EPHB6: variants seen among roughly 807,000 people sequenced by gnomAD.
EPHB6 encodes the protein EPH receptor B6.
EPHB6 carries 51 observed loss-of-function variants against 107.0 expected under a neutral mutation model. That is an observed-to-expected ratio of 0.48 (90% CI 0.38 to 0.60). EPHB6 has a LOEUF of 0.60. Ranked by LOEUF, EPHB6 falls within the 20% of genes least tolerant of loss-of-function variation. The probability of loss-of-function intolerance (pLI) is 0.00; values close to 1 mark genes in which losing one functional copy is unlikely to be tolerated. For synonymous variants in EPHB6, 553 were observed against 549.0 expected (o/e 1.01, Z -0.10); for missense variants, 1,141 against 1,355.5 (o/e 0.84, Z 2.48).
chr7:142,855,397 G>A lies in EPHB6; in HGVS notation c.-432+12G>A, dbSNP rs1004417859. On this transcript the variant is annotated intron_variant, in intron 1 of 19. Coordinates refer to ENST00000652003, the MANE Select transcript of EPHB6 (RefSeq NM_004445.6). The surrounding 1 kb of genome is among the most constrained non-coding windows in gnomAD (Gnocchi z 4.2). Reference sequence around the variant, plus strand: ...CGGCCAACGGGAAGGTGAGCCCGCGGGGTTAGCAGGCGGCGTTGTGGGGGT... The same window carrying A: ...CGGCCAACGGGAAGGTGAGCCCGCGAGGTTAGCAGGCGGCGTTGTGGGGGT... 1 of 152,440 alleles carries A rather than the reference G, an allele frequency of 6.6e-6. No homozygotes were observed. The highest frequency in any genetic ancestry group is 1.5e-5 in the Non-Finnish European group (1 of 68,224). 9.4% of individuals were successfully genotyped at this position (152,440 alleles called of 1,614,324 possible). A position where few individuals can be genotyped will look rare whatever the true frequency, so the allele number is the denominator to read the frequency against.
At position 142,868,776 on chromosome 7, in the gene EPHB6, G is replaced by A; in HGVS notation, c.2286+37G>A. ...CTGGGTGAAGGAGGAGGGTCCTTGG[G>A]TCCAGGAAAGCTTCCAGGAGACGAG... On this transcript the variant is annotated intron_variant, in intron 15 of 19. Transcript: ENST00000652003. This position sits in a 1 kb window ranked among gnomAD's most constrained non-coding sequence, Gnocchi z 4.2. The A allele has an allele frequency of 6.2e-7, 1 of 1,613,520 alleles. No individual in the cohort carries two copies. The highest frequency in any genetic ancestry group is 8.5e-7 in the Non-Finnish European group (1 of 1,180,012).
In EPHB6 at chr7:142,868,020, C is replaced by T. The variant is rs761901290; in HGVS notation, c.1889C>T (p.Thr630Ile). Residue 630 changes from threonine to isoleucine, a missense_variant, in exon 13 of 20, where the codon ACA becomes ATA. Coordinates refer to ENST00000652003, the MANE Select transcript of EPHB6 (RefSeq NM_004445.6). This position sits in a 1 kb window ranked among gnomAD's most constrained non-coding sequence, Gnocchi z 4.2. ...AGGAAGCGGCGTGGGACTGGCTACACAGAGCAGCTGCAGCAATACAGCAGC... is the reference window on the plus strand; with the variant it reads ...AGGAAGCGGCGTGGGACTGGCTACATAGAGCAGCTGCAGCAATACAGCAGC... ...FQRKRRGTGYTEQLQQYSSPG... is the reference protein window; with the variant it reads ...FQRKRRGTGYIEQLQQYSSPG... The T allele has an allele frequency of 3.3e-5, 52 of 1,589,066 alleles. 1 individual carries two copies. The highest frequency in any genetic ancestry group is 2.3e-4 in the South Asian group (20 of 87,882).
In EPHB6 at chr7:142,866,234, G is replaced by T; in HGVS notation, c.1380G>T (p.Glu460Asp). 6.2e-7 allele frequency: 1 copy of T among 1,614,116 alleles called. No homozygotes were observed. Among genetic ancestry groups the T allele is most frequent in the East Asian group, 2.2e-5 (1 of 44,870 alleles). ...GLRAHVPYIL[E>D]VQAVNGVSEL... is the part of the protein sequence containing the mutation. ...GGGCACACGTACCCTACATCTTAGA[G>T]GTGCAGGCTGTTAATGGGGTGTCTG... Residue 460 changes from glutamate to aspartate, a missense_variant, in exon 9 of 20, where the codon GAG becomes GAT. Physicochemically the swap from Glu to Asp is conservative, Grantham distance 45. Coordinates refer to ENST00000652003, the MANE Select transcript of EPHB6 (RefSeq NM_004445.6). This position sits in a 1 kb window ranked among gnomAD's most constrained non-coding sequence, Gnocchi z 5.2.
chr7:142,870,597 C>T lies in EPHB6; in HGVS notation c.2872C>T (p.Leu958Phe). 1 of 1,614,266 alleles carries T rather than the reference C, an allele frequency of 6.2e-7. No homozygotes were observed. The highest frequency in any genetic ancestry group is 8.5e-7 in the Non-Finnish European group (1 of 1,180,052). Residue 958 changes from leucine to phenylalanine, a missense_variant, in exon 19 of 20, where the codon CTT becomes TTT. Transcript: ENST00000652003. ...FPCLDSPQAW[L>F]SAIGLECYQD... Reference sequence around the variant, plus strand: ...TTGTCTGGACTCACCCCAGGCCTGGCTTTCAGCCATTGGACTGGAGTGCTA... The same window carrying T: ...TTGTCTGGACTCACCCCAGGCCTGGTTTTCAGCCATTGGACTGGAGTGCTA...
chr7:142,865,757 C>G, intron 8 of EPHB6, 127 bp downstream of exon 8: 1 of 1,355,452 alleles, frequency 7.4e-7, no homozygotes, highest in Non-Finnish European at 1.0e-6. Context: ...TTCTTGGCTT[C>G]CTCCCCTCCC....
chr7:142,868,235 C>T lies in EPHB6; in HGVS notation c.1919-6C>T, dbSNP rs1794710552. The T allele has an allele frequency of 1.2e-6, 2 of 1,614,156 alleles. No homozygotes were observed. The highest frequency in any genetic ancestry group is 8.5e-7 in the Non-Finnish European group (1 of 1,180,014). On this transcript the variant is annotated splice_region_variant and splice_polypyrimidine_tract_variant and intron_variant, in intron 13 of 19. Transcript: ENST00000652003. This position sits in a 1 kb window ranked among gnomAD's most constrained non-coding sequence, Gnocchi z 4.2. ...CACGCTCATAACATACTCCACACCC[C>T]TCCAGGACTCGGGGTGAAGTATTAC...
At position 142,869,836 on chromosome 7, in the gene EPHB6, G is replaced by C. The variant is rs202035645; in HGVS notation, c.2480G>C (p.Arg827Pro). ...CCTCAGGGCCCAAGTTGTTTGCTTC[G>C]CTGGGCAGCCCCAGAGGTCATTGCA... is the stretch of plus-strand genomic sequence containing the variant. ...HSPQGPSCLL[R>P]WAAPEVIAHG... The change falls in exon 17 of 20, where the codon CGC becomes CCC. Residue 827 changes from arginine to proline, a missense_variant. This residue lies in a region of EPHB6 where 616 missense variants were observed against 759.3 expected (regional missense o/e 0.81). Coordinates refer to ENST00000652003, the MANE Select transcript of EPHB6 (RefSeq NM_004445.6). This position sits in a 1 kb window ranked among gnomAD's most constrained non-coding sequence, Gnocchi z 4.5. The C allele has an allele frequency of 1.9e-6, 3 of 1,614,140 alleles. No individual in the cohort carries two copies. The highest frequency in any genetic ancestry group is 2.5e-6 in the Non-Finnish European group (3 of 1,180,020).
chr7:142,866,057 C>T lies in EPHB6; in HGVS notation c.1203C>T (p.Asp401=), dbSNP rs1803151444. ...CTCGGGAGCTGGGGGGTCGAGGGGA[C>T]CTGCTCTTCAATGTCGTGTGCAAGG... is the stretch of plus-strand genomic sequence containing the variant. ...RLPRELGGRG[D]LLFNVVCKEC... The change falls in exon 9 of 20, where the codon GAC becomes GAT. Residue 401 remains aspartate (D), a synonymous_variant. Coordinates refer to ENST00000652003, the MANE Select transcript of EPHB6 (RefSeq NM_004445.6). This position sits in a 1 kb window ranked among gnomAD's most constrained non-coding sequence, Gnocchi z 5.2. 8 of 1,612,064 alleles carry T rather than the reference C, an allele frequency of 5.0e-6. No individual in the cohort carries two copies. The highest frequency in any genetic ancestry group is 6.8e-6 in the Non-Finnish European group (8 of 1,179,056).
Position 142,866,885 on chromosome 7 carries a change from G to T in EPHB6, c.1588-21G>T, listed in dbSNP as rs2116453068. On this transcript the variant is annotated intron_variant, in intron 10 of 19. Transcript: ENST00000652003. The surrounding 1 kb of genome is among the most constrained non-coding windows in gnomAD (Gnocchi z 5.2). ...GGGGCAAGAGGGGGCCAGGCAGGGA[G>T]TGAGTGGCTGTTACCCCCAGGCAGA... The T allele has an allele frequency of 1.2e-6, 2 of 1,613,994 alleles. No homozygotes were observed. Among genetic ancestry groups the T allele is most frequent in the Non-Finnish European group, 1.7e-6 (2 of 1,179,954 alleles).
chr7:142,861,133 A>G lies in EPHB6; in HGVS notation c.-350A>G, dbSNP rs8177125. 148,460 of 152,246 alleles carry G rather than the reference A, an allele frequency of 0.98. 72,393 individuals are homozygous for G. Among genetic ancestry groups the G allele is most frequent in the East Asian group, 0.99 (5,133 of 5,174 alleles). 9.4% of individuals were successfully genotyped at this position (152,246 alleles called of 1,614,324 possible). A position where few individuals can be genotyped will look rare whatever the true frequency, so the allele number is the denominator to read the frequency against. The stretch of plus-strand genomic sequence containing the variant: ...AGAGATAGAGAACCGCCAATCTCTA[A>G]ATCAACAAGCAAAGGAGGTGCCAAG... On this transcript the variant is annotated 5_prime_UTR_variant, in exon 2 of 20. Coordinates refer to ENST00000652003, the MANE Select transcript of EPHB6 (RefSeq NM_004445.6).
intron 1 of EPHB6, among the ~76,000 whole-genome samples, chr7:142,860,746 G>A (rs1802804175): frequency 6.6e-6 from 1 of 152,088 alleles, no homozygotes; most frequent in Non-Finnish European, 1.5e-5. Context: ...TAGTTGGCAG[G>A]TGCCCACTCT....
intron 17 of EPHB6, 67 bp downstream of exon 17, chr7:142,870,033 C>T (rs1034094199): frequency 1.9e-6 from 3 of 1,608,944 alleles, no homozygotes; most frequent in Middle Eastern, 3.4e-4. Flanking sequence ...CATTCTAGGA[C>T]CTCCATTCTC....
chr7:142,860,958 C>T (rs932273026), intron 1 of EPHB6, 94 bp from the exon 2 acceptor site: 1 of 152,190 alleles, frequency 6.6e-6, no homozygotes, highest in Non-Finnish European at 1.5e-5. Flanking sequence ...AAACAAATCA[C>T]AACTTCTCTT....
rs1348751134 is a variant in EPHB6 at position 142,866,729 on chromosome 7, TCA to T, written c.1587+127_1587+128del. ...GGTCCGCAACAGGGCTGGCAGGAGC[TCA>T]CAGTCCCCACAGTAGGGGCCAGAGG... On this transcript the variant is annotated intron_variant, in intron 10 of 19. Transcript: ENST00000652003. The surrounding 1 kb of genome is among the most constrained non-coding windows in gnomAD (Gnocchi z 5.2). 6.3e-7 allele frequency: 1 copy of T among 1,590,306 alleles called. No homozygotes were observed. The highest frequency in any genetic ancestry group is 8.6e-7 in the Non-Finnish European group (1 of 1,163,576).
At chr7:142,857,336 C>T (rs1434209851) in intron 1 of EPHB6, among the ~76,000 whole-genome samples, 1 of 152,246 alleles carries the variant, frequency 6.6e-6, no homozygotes, top group East Asian at 1.9e-4. Context: ...CAGCCACCTC[C>T]TCACTGTCTG....
chr7:142,869,499 C>A lies in EPHB6; in HGVS notation c.2461-318C>A, dbSNP rs554265164. ...AGCTCTGTGACCTTGGACAAGTTCA[C>A]TTTCTCTAAGCTTCACCTTCTGCTT... On this transcript the variant is annotated intron_variant, in intron 16 of 19. Coordinates refer to ENST00000652003, the MANE Select transcript of EPHB6 (RefSeq NM_004445.6). The surrounding 1 kb of genome is among the most constrained non-coding windows in gnomAD (Gnocchi z 4.5). Among the ~76,000 whole-genome samples, 87 of 152,326 alleles carry A rather than the reference C, an allele frequency of 5.7e-4. No homozygotes were observed. Among genetic ancestry groups the A allele is most frequent in the Middle Eastern group, 3.4e-3 (1 of 294 alleles).
intron 3 of EPHB6, 127 bp downstream of exon 3, chr7:142,862,260 G>C (rs866903325): frequency 6.6e-6 from 1 of 152,128 alleles, no homozygotes; most frequent in African/African-American, 2.4e-5. Context: ...TTGGGAGTTA[G>C]GATTTCAACA....
At chr7:142,862,180 G>C (rs115862740) in intron 3 of EPHB6, 47 bp downstream of exon 3, 1 of 152,110 alleles carries the variant, frequency 6.6e-6, no homozygotes, top group Non-Finnish European at 1.5e-5. Flanking sequence ...CTAATCTCAT[G>C]ATTAGTGAGG....
In EPHB6 at chr7:142,866,555, G is replaced by C; in HGVS notation, c.1537G>C (p.Asp513His). 6.2e-7 allele frequency: 1 copy of C among 1,614,152 alleles called. No individual in the cohort carries two copies. Among genetic ancestry groups the C allele is most frequent in the Non-Finnish European group, 8.5e-7 (1 of 1,180,036 alleles). ...CATCACGGTGTCCTGGCCGCAGCCC[G>C]ACCAGACCAATGGGAACATCCTGGA... is the stretch of plus-strand genomic sequence containing the variant. ...NSITVSWPQP[D>H]QTNGNILDYQ... Residue 513 changes from aspartate to histidine, a missense_variant, in exon 10 of 20, where the codon GAC (aspartate) becomes CAC (histidine). This residue lies in a region of EPHB6 where 616 missense variants were observed against 759.3 expected (regional missense o/e 0.81). Transcript: ENST00000652003. This position sits in a 1 kb window ranked among gnomAD's most constrained non-coding sequence, Gnocchi z 5.2.
Sources: allele counts gnomAD v4.1 joint callset (sites outside exome capture counted in the v4.1 genomes callset), GRCh38; gene constraint gnomAD v4.1.1; regional missense constraint gnomAD v4.1.1; non-coding constraint Gnocchi (gnomAD v3.1); transcripts MANE v1.5; gene names NCBI Gene and HGNC (gene_info 2026-07-23, HGNC 2026-07-21).